Variants in SEMA3A observed in about 807,000 individuals in gnomAD.
The protein encoded by SEMA3A is semaphorin-3A.
In SEMA3A, 29 loss-of-function variants were observed where a neutral mutation model predicts 97.9. That is an observed-to-expected ratio of 0.30 (90% CI 0.22 to 0.40). The LOEUF is 0.40. Among genes scored for constraint, SEMA3A ranks in the 10% least tolerant of loss-of-function variants. SEMA3A has a pLI of 1.00. For synonymous variants in SEMA3A, 321 were observed against 323.7 expected (o/e 0.99, Z 0.09); for missense variants, 763 against 951.3 (o/e 0.80, Z 2.60).
intron 1 of SEMA3A, among the ~76,000 whole-genome samples, chr7:84,138,807 A>G (rs1368422894): frequency 6.6e-6 from 1 of 152,136 alleles, no homozygotes; most frequent in Admixed American, 6.5e-5. Flanking sequence ...TCAGTGAACA[A>G]TACAAATTCT....
At chr7:84,142,601 T>C (rs1481215321) in intron 1 of SEMA3A, among the ~76,000 whole-genome samples, 1 of 152,162 alleles carries the variant, frequency 6.6e-6, no homozygotes, top group East Asian at 1.9e-4. Context: ...TGGAAAAGTT[T>C]GTTACCTCTC....
chr7:84,113,739 C>A (rs1335072980), intron 3 of SEMA3A, among the ~76,000 whole-genome samples: 1 of 152,056 alleles, frequency 6.6e-6, no homozygotes, highest in Non-Finnish European at 1.5e-5. Flanking sequence ...GTCAGGCAAC[C>A]ATATTGACCT....
chr7:84,010,712 A>G (rs1790843698), intron 9 of SEMA3A, among the ~76,000 whole-genome samples: 1 of 135,476 alleles, frequency 7.4e-6, no homozygotes, highest in Non-Finnish European at 1.5e-5. Context: ...TCAGACTTCC[A>G]TCTGTATAAT....
At chr7:84,408,543 C>A (rs920316832) in intron 1 of SEMA3A, among the ~76,000 whole-genome samples, 2 of 151,944 alleles carry the variant, frequency 1.3e-5, no homozygotes, top group African/African-American at 2.4e-5. Context: ...CCATTACTGG[C>A]TATATACCCA....
chr7:84,489,154 T>C (rs1291499631), intron 1 of SEMA3A: 1 of 152,318 alleles, frequency 6.6e-6, no homozygotes, highest in Non-Finnish European at 1.5e-5. Flanking sequence ...AGGCACCTTT[T>C]CACAGGGTAG....
intron 1 of SEMA3A, among the ~76,000 whole-genome samples, chr7:84,390,684 T>C (rs1337466272): frequency 6.6e-6 from 1 of 151,954 alleles, no homozygotes; most frequent in Admixed American, 6.6e-5. Flanking sequence ...CTAAATGTAG[T>C]AGTGCTGATA....
At chr7:84,247,863 T>C (rs1272289288) in intron 3 of SEMA3A, among the ~76,000 whole-genome samples, 1 of 152,198 alleles carries the variant, frequency 6.6e-6, no homozygotes, top group African/African-American at 2.4e-5. Context: ...ACTCAGTGTT[T>C]AGAAGGTAAA....
intron 1 of SEMA3A, among the ~76,000 whole-genome samples, chr7:84,182,470 G>T (rs1157107925): frequency 1.3e-5 from 2 of 152,088 alleles, no homozygotes; most frequent in Non-Finnish European, 2.9e-5. Context: ...TTCATGTTGA[G>T]AACATAAATT....
chr7:84,139,637 G>A (rs1270239642), intron 1 of SEMA3A, among the ~76,000 whole-genome samples: 2 of 152,032 alleles, frequency 1.3e-5, no homozygotes, highest in Non-Finnish European at 2.9e-5. Context: ...ACAAGCTTTA[G>A]TGCATAGCTT....
intron 3 of SEMA3A, among the ~76,000 whole-genome samples, chr7:84,255,041 G>A (rs1799687975): frequency 6.6e-6 from 1 of 152,120 alleles, no homozygotes; most frequent in Admixed American, 6.5e-5. Flanking sequence ...ACAGAAGTAA[G>A]ATGAGGCTCC....
At chr7:84,213,090 G>T (rs1340749689) in intron 3 of SEMA3A, among the ~76,000 whole-genome samples, 3 of 152,104 alleles carry the variant, frequency 2.0e-5, no homozygotes, top group African/African-American at 7.2e-5. Context: ...CGATTCTCCT[G>T]CCTCAGCCTC....
intron 1 of SEMA3A, among the ~76,000 whole-genome samples, chr7:84,471,280 A>G (rs1221388384): frequency 6.6e-6 from 1 of 152,120 alleles, no homozygotes; most frequent in Non-Finnish European, 1.5e-5. Context: ...TCTGGTTAGC[A>G]ATCAGAGTGA....
At chr7:84,130,173 G>A (rs1376923998) in intron 2 of SEMA3A, among the ~76,000 whole-genome samples, 3 of 152,020 alleles carry the variant, frequency 2.0e-5, no homozygotes, top group African/African-American at 7.2e-5. Flanking sequence ...TAAAAAAACA[G>A]AAATGATGGC....
intron 1 of SEMA3A, among the ~76,000 whole-genome samples, chr7:84,441,088 G>A (rs930902787): frequency 6.6e-6 from 1 of 152,058 alleles, no homozygotes; most frequent in South Asian, 2.1e-4. Context: ...AACCCGGGAG[G>A]TGGAGGTTGT....
intron 3 of SEMA3A, among the ~76,000 whole-genome samples, chr7:84,220,614 A>C (rs2116335914): frequency 6.6e-6 from 1 of 152,304 alleles, no homozygotes; most frequent in Admixed American, 6.5e-5. Context: ...TCATATTATG[A>C]GGCATGAAAA....
chr7:84,131,289 G>A (rs1170463520), intron 2 of SEMA3A, among the ~76,000 whole-genome samples: 1 of 151,978 alleles, frequency 6.6e-6, no homozygotes, highest in East Asian at 1.9e-4. Context: ...TAATGTTTTG[G>A]ATGGATTTGT....
intron 4 of SEMA3A, among the ~76,000 whole-genome samples, chr7:84,084,118 C>T (rs189713689): frequency 2.8e-4 from 42 of 152,044 alleles, no homozygotes; most frequent in African/African-American, 9.4e-4. Context: ...TTTCAGCTGG[C>T]CATATGTGTT....
rs1794313832 is a variant in SEMA3A, at chr7:84,085,701, C to T, written c.453+24769G>A. Among the ~76,000 whole-genome samples the T allele has an allele frequency of 3.3e-5, 5 of 152,176 alleles. No individual in the cohort carries two copies. The South Asian group carries it at 1.0e-3, about 32-fold the overall frequency. The stretch of plus-strand genomic sequence containing the variant: ...TCCTCTAAAACACCCTTTATTTTAT[C>T]CTAATTTTTTGATATCTTTCTTAAC... On this transcript the variant is annotated intron_variant, in intron 4 of 16. Transcript: ENST00000265362.
At chr7:83,974,904 C>T (rs999670910) in intron 15 of SEMA3A, among the ~76,000 whole-genome samples, 1 of 152,120 alleles carries the variant, frequency 6.6e-6, no homozygotes, top group Non-Finnish European at 1.5e-5. Flanking sequence ...CCACAACCCT[C>T]CCCCAAAAGA....
Sources: gnomAD v4.1 joint callset for allele counts (sites outside exome capture counted in the v4.1 genomes callset) on GRCh38, gnomAD v4.1.1 for gene constraint, MANE v1.5 for transcripts, NCBI Gene and HGNC (gene_info 2026-07-23, HGNC 2026-07-21) for gene names.